The following LLGL2 variants were observed in gnomAD, a reference collection of about 807,000 sequenced individuals.
The protein encoded by LLGL2 is LLGL2, scribble cell polarity complex component.
LLGL2 carries 81 observed loss-of-function variants against 123.2 expected under a neutral mutation model. The observed-to-expected ratio is 0.66, with a 90% CI of 0.55 to 0.79. The LOEUF is 0.79. Among genes scored for constraint, LLGL2 ranks in the 30% least tolerant of loss-of-function variants. LLGL2 has a pLI of 0.00. For missense variants in LLGL2, 1,273 were observed against 1,414.6 expected, an observed-to-expected ratio of 0.90 and a Z score of 1.61; for synonymous variants, 577 against 594.1, an observed-to-expected ratio of 0.97 and a Z score of 0.42.
At chr17:75,556,361 C>T (rs1281687397) in intron 3 of LLGL2, among the ~76,000 whole-genome samples, 1 of 152,220 alleles carries the variant, frequency 6.6e-6, no homozygotes, top group South Asian at 2.1e-4. Context: ...GGGATGCGAC[C>T]CTGTCCTTTG....
chr17:75,529,726 T>C (rs552212909), intron 1 of LLGL2, among the ~76,000 whole-genome samples: 50 of 151,496 alleles, frequency 3.3e-4, no homozygotes, highest in Non-Finnish European at 5.6e-4. Flanking sequence ...CTGGGCGTGG[T>C]GGTGCGTGCC....
chr17:75,569,181 T>A (rs2305526), intron 13 of LLGL2, 40 bp from the exon 14 acceptor site: 1,516,333 of 1,612,414 alleles, frequency 0.94, 720,732 homozygotes, highest in African/African-American at 0.99. Context: ...AGCTGGGTCC[T>A]GTCCCCGTGG....
chr17:75,543,323 C>T, intron 1 of LLGL2, 74 bp from the exon 2 acceptor site: 1 of 1,043,768 alleles, frequency 9.6e-7, no homozygotes, highest in Admixed American at 2.4e-5. Context: ...AGGCCCTGCT[C>T]CACCTGTTTG....
chr17:75,531,784 C>G (rs1213494332), intron 1 of LLGL2, among the ~76,000 whole-genome samples: 1 of 152,202 alleles, frequency 6.6e-6, no homozygotes, highest in Non-Finnish European at 1.5e-5. Flanking sequence ...TTTGGGGTGG[C>G]CTTCCCCACA....
At chr17:75,566,136 C>T (rs1272002686) in intron 10 of LLGL2, among the ~76,000 whole-genome samples, 2 of 152,164 alleles carry the variant, frequency 1.3e-5, no homozygotes, top group Admixed American at 6.5e-5. Context: ...GCTGGGAGGG[C>T]TCTTGGCTTG....
chr17:75,567,739 C>T (rs1396209581), intron 10 of LLGL2, among the ~76,000 whole-genome samples: 4 of 151,958 alleles, frequency 2.6e-5, no homozygotes, highest in Admixed American at 6.6e-5. Context: ...CCCAGGAGTT[C>T]AACACCAGCC....
Position 75,575,001 on chromosome 17 carries a change from T to C in LLGL2, c.*123T>C. ...GCCAGGGGCTGGGGGCATCCCGGCTTCCACAATGCAGCTGCTCTGGGCCTC... is the reference window on the plus strand; with the variant it reads ...GCCAGGGGCTGGGGGCATCCCGGCTCCCACAATGCAGCTGCTCTGGGCCTC... On this transcript the variant is annotated 3_prime_UTR_variant, in exon 26 of 26. Transcript: ENST00000392550. 1.4e-6 allele frequency: 2 copies of C among 1,388,014 alleles called. No homozygotes were observed. The highest frequency in any genetic ancestry group is 2.0e-6 in the Non-Finnish European group (2 of 976,530). 86.0% of individuals were successfully genotyped at this position (1,388,014 alleles called of 1,614,324 possible). A position where few individuals can be genotyped will look rare whatever the true frequency, so the allele number is the denominator to read the frequency against.
chr17:75,557,034 CTTTTT>C (rs55649536), intron 3 of LLGL2, among the ~76,000 whole-genome samples: 1 of 109,890 alleles, frequency 9.1e-6, no homozygotes, highest in Non-Finnish European at 1.7e-5. Context: ...GTCTCAAAAA[CTTTTT>C]TTTTTTTTTT....
rs773146493 is a variant in LLGL2 at position 75,564,553 on chromosome 17, C to T, written c.1036+46C>T. 2 of 1,610,564 alleles carry T rather than the reference C, an allele frequency of 1.2e-6. No homozygotes were observed. Among genetic ancestry groups the T allele is most frequent in the East Asian group, 4.5e-5 (2 of 44,794 alleles). ...GGTGCCCAGGGTTAGGTGTGGGAGG[C>T]ATGGGGCAGGACCATCAGTAAAGAC... is the stretch of plus-strand genomic sequence containing the variant. On this transcript the variant is annotated intron_variant, in intron 10 of 25. Coordinates refer to ENST00000392550, the MANE Select transcript of LLGL2 (RefSeq NM_001031803.2). This position sits in a 1 kb window ranked among gnomAD's most constrained non-coding sequence, Gnocchi z 4.9.
intron 1 of LLGL2, among the ~76,000 whole-genome samples, chr17:75,530,167 T>C (rs2053723606): frequency 6.6e-6 from 1 of 152,148 alleles, no homozygotes; most frequent in Non-Finnish European, 1.5e-5. Flanking sequence ...AGGGAATTTG[T>C]CTTCTCTGGA....
intron 19 of LLGL2, among the ~76,000 whole-genome samples, chr17:75,572,491 G>A (rs1318984269): frequency 3.3e-5 from 5 of 152,102 alleles, no homozygotes; most frequent in African/African-American, 7.2e-5. Flanking sequence ...GTGAAACCCC[G>A]TCTCTACAAA....
At chr17:75,529,356 C>A (rs2147068369) in intron 1 of LLGL2, among the ~76,000 whole-genome samples, 1 of 151,408 alleles carries the variant, frequency 6.6e-6, no homozygotes, top group African/African-American at 2.4e-5. Flanking sequence ...ACCACCAGGC[C>A]CAGCTAATTT....
At position 75,569,103 on chromosome 17, in the gene LLGL2, G is replaced by A. The variant is rs1236732731; in HGVS notation, c.1448G>A (p.Gly483Asp). 1 of 1,613,400 alleles carries A rather than the reference G, an allele frequency of 6.2e-7. No homozygotes were observed. The highest frequency in any genetic ancestry group is 8.5e-7 in the Non-Finnish European group (1 of 1,179,856). Residue 483 changes from glycine to aspartate, a missense_variant, in exon 13 of 26, where the codon GGC (glycine) becomes GAC (aspartate). Gly to Asp is a moderately conservative substitution (Grantham distance 94). Transcript: ENST00000392550. ...CCCAACGAGAACTTCAGTGCCCAGG[G>A]CGAGGACGAGTGGCCCCCACTCCGC... Reference protein sequence around the residue: ...TDPNENFSAQGEDEWPPLRKV... With the variant: ...TDPNENFSAQDEDEWPPLRKV...
At chr17:75,567,129 C>T (rs76242740) in intron 10 of LLGL2, among the ~76,000 whole-genome samples, 13,063 of 152,072 alleles carry the variant, frequency 0.086, 540 homozygotes, top group Middle Eastern at 0.21. Flanking sequence ...GAGCAGCCAG[C>T]GGGCAGCAGA....
In LLGL2 at chr17:75,560,709, C is replaced by T. The variant is rs115360458; in HGVS notation, c.530+1299C>T. On this transcript the variant is annotated intron_variant, in intron 6 of 25. Coordinates refer to ENST00000392550, the MANE Select transcript of LLGL2 (RefSeq NM_001031803.2). ...CCATGGTGGTCAAACTAGTCTCGAACTCCCGACCTCAGGTGATTGACCCGC... is the reference window on the plus strand; with the variant it reads ...CCATGGTGGTCAAACTAGTCTCGAATTCCCGACCTCAGGTGATTGACCCGC... Among the ~76,000 whole-genome samples, 792 of 149,322 alleles carry T rather than the reference C, an allele frequency of 5.3e-3. 8 individuals are homozygous for T. The highest frequency in any genetic ancestry group is 0.018 in the African/African-American group (740 of 40,750).
intron 1 of LLGL2, chr17:75,543,132 A>T: frequency 3.8e-6 from 1 of 265,662 alleles, no homozygotes; most frequent in Non-Finnish European, 7.1e-6. Context: ...TTATAAAGCC[A>T]GGCTAAATGG....
rs959227204 is a variant in LLGL2 at position 75,536,695 on chromosome 17, G to C, written c.-30-6702G>C. 2.6e-5 allele frequency among the ~76,000 whole-genome samples: 4 copies of C among 152,254 alleles called. No individual in the cohort carries two copies. In the South Asian group the frequency reaches 8.3e-4, roughly 32 times the overall value. On this transcript the variant is annotated intron_variant, in intron 1 of 25. Transcript: ENST00000392550. ...GCAGATAAACAAAAAGGAGAAAAAA[G>C]AATCACCACTAATCCCATAACCCTT...
At chr17:75,570,799 C>A in intron 16 of LLGL2, 151 bp from the exon 17 acceptor site, 1 of 1,092,370 alleles carries the variant, frequency 9.2e-7, no homozygotes, top group South Asian at 1.6e-5. Context: ...GGGCACCTCC[C>A]TCTTGGACAA....
At chr17:75,555,328 C>T (rs948987606) in intron 2 of LLGL2, among the ~76,000 whole-genome samples, 3 of 148,030 alleles carry the variant, frequency 2.0e-5, no homozygotes, top group Non-Finnish European at 3.0e-5. Flanking sequence ...CTCGCTCTGT[C>T]GCCCAGGCTG....
Sources: allele counts gnomAD v4.1 joint callset (sites outside exome capture counted in the v4.1 genomes callset), GRCh38; gene constraint gnomAD v4.1.1; non-coding constraint Gnocchi (gnomAD v3.1); transcripts MANE v1.5; gene names NCBI Gene and HGNC (gene_info 2026-07-23, HGNC 2026-07-21).